XPO5: variants seen among roughly 807,000 people sequenced by gnomAD.
XPO5 encodes the protein exportin-5.
Under a neutral mutation model 160.6 loss-of-function variants are expected in XPO5, and 46 were observed. The observed-to-expected ratio is 0.29, with a 90% confidence interval of 0.23 to 0.37. XPO5 has a LOEUF of 0.37. XPO5 is among the 10% of genes least tolerant of loss of function. The pLI, the probability that XPO5 is intolerant of heterozygous loss-of-function variation, is 1.00. For synonymous variants in XPO5, 537 were observed against 519.3 expected (o/e 1.03, Z -0.46); for missense variants, 1,090 against 1,463.9 (o/e 0.74, Z 4.17).
intron 20 of XPO5, among the ~76,000 whole-genome samples, chr6:43,538,038 T>C (rs1794450146): frequency 8.7e-6 from 1 of 115,570 alleles, no homozygotes; most frequent in African/African-American, 3.5e-5. Flanking sequence ...TGAGCTGAGA[T>C]AGCACCAGTG....
intron 20 of XPO5, among the ~76,000 whole-genome samples, chr6:43,542,097 AG>A (rs1367392429): frequency 6.6e-6 from 1 of 152,124 alleles, no homozygotes; most frequent in Non-Finnish European, 1.5e-5. Flanking sequence ...TTAGAAATCT[AG>A]TGTGTATTTT....
At chr6:43,549,993 G>C in intron 15 of XPO5, 59 bp from the exon 16 acceptor site, 2 of 1,562,376 alleles carry the variant, frequency 1.3e-6, no homozygotes, top group Non-Finnish European at 1.7e-6. Flanking sequence ...ATGAGATCTT[G>C]CTATGTTGCC....
At chr6:43,545,933 T>A (rs958645783) in intron 20 of XPO5, among the ~76,000 whole-genome samples, 1 of 152,120 alleles carries the variant, frequency 6.6e-6, no homozygotes, top group Non-Finnish European at 1.5e-5. Flanking sequence ...AATGTGTATA[T>A]AAACCACTGG....
chr6:43,573,284 G>C (rs948034950), intron 2 of XPO5, 196 bp downstream of exon 2: 1 of 671,824 alleles, frequency 1.5e-6, no homozygotes, highest in African/African-American at 1.8e-5. Flanking sequence ...ACTTTACATG[G>C]ATGAAGAAAC....
intron 10 of XPO5, among the ~76,000 whole-genome samples, 165 bp downstream of exon 10, chr6:43,560,759 C>G (rs1215353112): frequency 2.6e-5 from 4 of 152,148 alleles, no homozygotes; most frequent in African/African-American, 7.2e-5. Flanking sequence ...CTGTTTGGCT[C>G]AGGAAGAAGA....
At chr6:43,554,422 CT>C (rs753397086) in intron 13 of XPO5, among the ~76,000 whole-genome samples, 161 of 136,750 alleles carry the variant, frequency 1.2e-3, no homozygotes, top group Middle Eastern at 4.4e-3. Context: ...CTTTTCTTTT[CT>C]TTTTTTTTTT....
chr6:43,565,569 A>T (rs1582242953), intron 8 of XPO5, 91 bp downstream of exon 8: 2 of 70,830 alleles, frequency 2.8e-5, no homozygotes, highest in South Asian at 8.2e-4. Flanking sequence ...ATCTCAAAAT[A>T]AAAAAAAAAA....
At chr6:43,570,181 G>A (rs1406250151) in intron 5 of XPO5, among the ~76,000 whole-genome samples, 4 of 150,094 alleles carry the variant, frequency 2.7e-5, no homozygotes, top group African/African-American at 4.9e-5. Flanking sequence ...GCCTGGTGGC[G>A]GGCGCCTGTA....
intron 3 of XPO5, among the ~76,000 whole-genome samples, chr6:43,572,106 C>T (rs1170752749): frequency 6.6e-6 from 1 of 152,218 alleles, no homozygotes; most frequent in African/African-American, 2.4e-5. Context: ...GAGATAGGGT[C>T]TTGCTCTGTT....
intron 20 of XPO5, among the ~76,000 whole-genome samples, chr6:43,538,393 G>A (rs1046604386): frequency 2.0e-5 from 3 of 151,820 alleles, no homozygotes; most frequent in Non-Finnish European, 2.9e-5. Flanking sequence ...TCAAGGATCC[G>A]CCTGCCTCGG....
chr6:43,531,025 C>T (rs867963134), intron 22 of XPO5, among the ~76,000 whole-genome samples: 16 of 152,196 alleles, frequency 1.1e-4, no homozygotes, highest in African/African-American at 3.9e-4. Context: ...GCTTTCATTA[C>T]TATTTAATGT....
At chr6:43,567,119 A>T in intron 7 of XPO5, 50 bp downstream of exon 7, 1 of 1,541,696 alleles carries the variant, frequency 6.5e-7, no homozygotes, top group Non-Finnish European at 8.7e-7. Flanking sequence ...AAACACATAC[A>T]CAGCCTACTT....
At position 43,523,349 on chromosome 6, in the gene XPO5, G is replaced by A; in HGVS notation, c.*519C>T. 3.7e-6 allele frequency: 1 copy of A among 273,952 alleles called. No individual in the cohort carries two copies. Among genetic ancestry groups the A allele is most frequent in the South Asian group, 3.9e-5 (1 of 25,758 alleles). The allele number at this position is 273,952 out of a possible 1,614,324, so 17.0% of individuals were successfully genotyped here. A position where few individuals can be genotyped will look rare whatever the true frequency, so the allele number is the denominator to read the frequency against. ...CTGACCAAGTTCTCTTCAGCACTTA[G>A]CACCTAACCCAGACATGCCCCTTAG... On this transcript the variant is annotated 3_prime_UTR_variant, in exon 32 of 32. Transcript: ENST00000265351.
chr6:43,564,924 CT>C (rs577868911), intron 8 of XPO5, among the ~76,000 whole-genome samples: 2,990 of 136,346 alleles, frequency 0.022, 79 homozygotes, highest in African/African-American at 0.063. Flanking sequence ...CATTTTCTCT[CT>C]TTTTTTTTTT....
rs1793250719 is a variant in XPO5, at chr6:43,522,503, G to A, written c.*1365C>T. The A allele has an allele frequency of 4.5e-6, 1 of 221,432 alleles. No individual in the cohort carries two copies. The highest frequency in any genetic ancestry group is 1.0e-5 in the Non-Finnish European group (1 of 100,442). 13.7% of individuals were successfully genotyped at this position (221,432 alleles called of 1,614,324 possible). ...CATCCTCCACAGCCCCAACCAGACA[G>A]GAATAGGCAGCTATCAGGTTTGGAG... On this transcript the variant is annotated 3_prime_UTR_variant, in exon 32 of 32. Transcript: ENST00000265351.
At position 43,524,463 on chromosome 6, in the gene XPO5, T is replaced by A. The variant is rs1793418888; in HGVS notation, c.3477+8A>T. 1.2e-6 allele frequency: 2 copies of A among 1,612,644 alleles called. No homozygotes were observed. The highest frequency in any genetic ancestry group is 1.7e-6 in the Non-Finnish European group (2 of 1,179,638). On this transcript the variant is annotated splice_region_variant and intron_variant, in intron 31 of 31. Coordinates refer to ENST00000265351, the MANE Select transcript of XPO5 (RefSeq NM_020750.3). The stretch of plus-strand genomic sequence containing the variant: ...GGTTGGGAGCACTATTGAAGGTGCA[T>A]GACCTACCCCAATGCAACCAGCAAT...
chr6:43,568,482 T>C (rs1425038771), intron 6 of XPO5, among the ~76,000 whole-genome samples: 10 of 151,962 alleles, frequency 6.6e-5, no homozygotes, highest in Admixed American at 6.6e-4. Context: ...GGTGCGCACC[T>C]ATATTCCCAG....
At chr6:43,528,691 C>T (rs758528004) in intron 24 of XPO5, 137 bp downstream of exon 24, 2 of 779,366 alleles carry the variant, frequency 2.6e-6, no homozygotes, top group Non-Finnish European at 4.3e-6. Context: ...GGATAGTCAG[C>T]TGGGGTAGAA....
Position 43,564,526 on chromosome 6 carries a change from T to A in XPO5, c.911+1134A>T, listed in dbSNP as rs139955137. On this transcript the variant is annotated intron_variant, in intron 8 of 31. Transcript: ENST00000265351. ...CCTGGGCAATAAGAGCGAAACTCCA[T>A]CTCAAAAAAAAAAAAACTTCCTTTC... is the stretch of plus-strand genomic sequence containing the variant. Among the ~76,000 whole-genome samples the A allele has an allele frequency of 7.2e-3, 1,089 of 150,478 alleles. 17 individuals carry two copies. Among genetic ancestry groups the A allele is most frequent in the African/African-American group, 0.025 (1,030 of 41,014 alleles).
Sources: gnomAD v4.1 joint callset for allele counts (sites outside exome capture counted in the v4.1 genomes callset) on GRCh38, gnomAD v4.1.1 for gene constraint, MANE v1.5 for transcripts, NCBI Gene and HGNC (gene_info 2026-07-23, HGNC 2026-07-21) for gene names.